The following PLEKHS1 variants were observed in gnomAD, a reference collection of about 807,000 sequenced individuals.
PLEKHS1 encodes the protein pleckstrin homology domain containing S1.
In PLEKHS1, 55 loss-of-function variants were observed where a neutral mutation model predicts 51.0. That is an observed-to-expected ratio of 1.08 (90% CI 0.87 to 1.35). The LOEUF is 1.35. PLEKHS1 is among the 40% of genes most tolerant of loss of function. The pLI is 0.00. For missense variants in PLEKHS1, 398 were observed against 423.0 expected, an observed-to-expected ratio of 0.94 and a Z score of 0.52; for synonymous variants, 153 against 144.8, an observed-to-expected ratio of 1.06 and a Z score of -0.41.
Position 113,759,549 on chromosome 10 carries a change from G to A in PLEKHS1, c.28+4244G>A, listed in dbSNP as rs537488470. On this transcript the variant is annotated intron_variant, in intron 2 of 11. Coordinates refer to ENST00000361048, the Ensembl canonical transcript of PLEKHS1. The stretch of plus-strand genomic sequence containing the variant: ...TCATACAGCATACACCCTTTTGTCT[G>A]ACTTTTTTCACTCAGCATAATTTTT... Among the ~76,000 whole-genome samples, 30 of 152,272 alleles carry A rather than the reference G, an allele frequency of 2.0e-4. 1 individual carries two copies. The highest frequency in any genetic ancestry group is 1.9e-3 in the Admixed American group (29 of 15,298).
intron 11 of PLEKHS1, chr10:113,778,030 G>A: frequency 4.0e-6 from 1 of 250,382 alleles, no homozygotes; most frequent in Non-Finnish European, 7.9e-6. Context: ...TATTATATGG[G>A]TATGCACTAA....
chr10:113,770,136 G>C (rs560634348), intron 7 of PLEKHS1, among the ~76,000 whole-genome samples: 9 of 152,212 alleles, frequency 5.9e-5, no homozygotes, highest in African/African-American at 2.2e-4. Context: ...ATATGCTTTG[G>C]GTATGCTAGG....
chr10:113,782,081 T>C (rs1440875349), exon 12 of PLEKHS1: 1 of 152,208 alleles, frequency 6.6e-6, no homozygotes, highest in Non-Finnish European at 1.5e-5. Context: ...AATAAAATTC[T>C]TTTATATAAA....
In PLEKHS1 at chr10:113,766,508, T is replaced by C. The variant is rs1844168373; in HGVS notation, c.117+9T>C. 6.3e-7 allele frequency: 1 copy of C among 1,595,944 alleles called. No homozygotes were observed. Among genetic ancestry groups the C allele is most frequent in the Non-Finnish European group, 8.6e-7 (1 of 1,164,796 alleles). ...AGCTGTTCTCCTCTGTGGTAAGTAT[T>C]TGCTGTGATTTAACAAGCCTCCCAC... On this transcript the variant is annotated intron_variant, in intron 3 of 11. Transcript: ENST00000361048.
chr10:113,775,861 G>T, exon 11 of PLEKHS1: 1 of 1,603,802 alleles, frequency 6.2e-7, no homozygotes, highest in Non-Finnish European at 8.5e-7. Context: ...CCACAGGACG[G>T]ATATGGTAGG....
At chr10:113,753,248 A>G (rs2134454067) in intron 1 of PLEKHS1, among the ~76,000 whole-genome samples, 1 of 152,308 alleles carries the variant, frequency 6.6e-6, no homozygotes, top group Non-Finnish European at 1.5e-5. Context: ...AAACATGGAC[A>G]GAGGGAAAGG....
exon 4 of PLEKHS1, chr10:113,766,706 T>G (rs780889365): frequency 2.5e-6 from 4 of 1,608,826 alleles, no homozygotes; most frequent in Non-Finnish European, 3.4e-6. Context: ...CGAGGTTCCA[T>G]TGAAATTGAT....
chr10:113,772,796 C>T (rs1301116892), intron 8 of PLEKHS1, among the ~76,000 whole-genome samples: 4 of 152,220 alleles, frequency 2.6e-5, no homozygotes, highest in Middle Eastern at 6.8e-3. Flanking sequence ...ACCTAGAGTG[C>T]GTGAAAGGCA....
At chr10:113,766,796 A>C in intron 4 of PLEKHS1, 78 bp downstream of exon 4, 1 of 1,125,760 alleles carries the variant, frequency 8.9e-7, no homozygotes, top group Non-Finnish European at 1.3e-6. Context: ...TGCAAATTGA[A>C]ATTTACATAA....
intron 1 of PLEKHS1, among the ~76,000 whole-genome samples, chr10:113,752,010 G>A (rs1853864850): frequency 6.6e-6 from 1 of 152,142 alleles, no homozygotes; most frequent in Admixed American, 6.5e-5. Context: ...GGCAGTGACT[G>A]TGGGGAGATT....
chr10:113,771,538 G>A (rs2900991), intron 7 of PLEKHS1, among the ~76,000 whole-genome samples: 21,545 of 151,884 alleles, frequency 0.14, 1,857 homozygotes, highest in Middle Eastern at 0.2. Flanking sequence ...AGCTATGCAT[G>A]GTGATGCGCG....
intron 11 of PLEKHS1, chr10:113,777,565 A>G (rs1844731108): frequency 1.9e-6 from 3 of 1,550,918 alleles, no homozygotes; most frequent in Non-Finnish European, 2.6e-6. Flanking sequence ...CAGCTCCTTC[A>G]ACCAATTTGT....
chr10:113,755,269 A>C (rs756640873), exon 2 of PLEKHS1: 10 of 1,608,174 alleles, frequency 6.2e-6, no homozygotes, highest in Non-Finnish European at 8.5e-6. Context: ...GGGAGGACAC[A>C]CAGCCATCAT....
In PLEKHS1 at chr10:113,770,812, C is replaced by A. The variant is rs532666724; in HGVS notation, c.552+912C>A. ...TCCCCCTAGAGATAACATTATTGGT[C>A]ACTTTGCCTTTTCACACTATAGATC... On this transcript the variant is annotated intron_variant, in intron 7 of 11. Coordinates refer to ENST00000361048, the Ensembl canonical transcript of PLEKHS1. 2.6e-5 allele frequency among the ~76,000 whole-genome samples: 4 copies of A among 152,262 alleles called. No homozygotes were observed. In the East Asian group the frequency reaches 7.7e-4, roughly 29 times the overall value.
intron 8 of PLEKHS1, among the ~76,000 whole-genome samples, chr10:113,772,322 G>T (rs1417820095): frequency 6.6e-6 from 1 of 152,162 alleles, no homozygotes. Context: ...CATGAGCTAT[G>T]GGAGGAGGAG....
At chr10:113,772,125 T>C in intron 8 of PLEKHS1, 36 bp downstream of exon 8, 3 of 1,605,900 alleles carry the variant, frequency 1.9e-6, no homozygotes, top group Non-Finnish European at 2.6e-6. Flanking sequence ...TTTGTTTCTT[T>C]AACAAATATT....
intron 2 of PLEKHS1, among the ~76,000 whole-genome samples, chr10:113,761,575 A>G (rs1843935185): frequency 6.6e-6 from 1 of 151,754 alleles, no homozygotes; most frequent in Middle Eastern, 3.4e-3. Flanking sequence ...TTATTTTTGG[A>G]TTATTTATTG....
At chr10:113,766,932 G>A (rs113517697) in intron 4 of PLEKHS1, among the ~76,000 whole-genome samples, 4 of 152,282 alleles carry the variant, frequency 2.6e-5, no homozygotes, top group Admixed American at 6.5e-5. Flanking sequence ...TACTTGATAA[G>A]TCTTTAATTA....
At position 113,755,257 on chromosome 10, in the gene PLEKHS1, A is replaced by G. The variant is rs1400356198; in HGVS notation, c.-19-2A>G. ...ACTAACACTAACCCTTCCTTTTGAC[A>G]GGGGAGGACACACAGCCATCATGGA... is the stretch of plus-strand genomic sequence containing the variant. On this transcript the variant is annotated splice_acceptor_variant, in intron 1 of 11. Coordinates refer to ENST00000361048, the Ensembl canonical transcript of PLEKHS1. LOFTEE classifies it low-confidence loss of function (5UTR_SPLICE). The G allele has an allele frequency of 1.9e-6, 3 of 1,604,778 alleles. No homozygotes were observed. Among genetic ancestry groups the G allele is most frequent in the Non-Finnish European group, 2.6e-6 (3 of 1,176,200 alleles).
Sources: allele counts gnomAD v4.1 joint callset (sites outside exome capture counted in the v4.1 genomes callset), GRCh38; gene constraint gnomAD v4.1.1; transcripts MANE v1.5; gene names NCBI Gene and HGNC (gene_info 2026-07-23, HGNC 2026-07-21).